KCNAB1: variants seen among roughly 807,000 people sequenced by gnomAD.
The protein encoded by KCNAB1 is voltage-gated potassium channel subunit beta-1.
A neutral mutation model predicts 64.6 loss-of-function variants in KCNAB1; 35 were observed. That is an observed-to-expected ratio of 0.54 (90% CI 0.41 to 0.72). The LOEUF is 0.72. Ranked by LOEUF, KCNAB1 falls within the 30% of genes least tolerant of loss-of-function variation. KCNAB1 has a pLI of 0.00. For synonymous variants in KCNAB1, 177 were observed against 183.8 expected, an observed-to-expected ratio of 0.96 and a Z score of 0.30; for missense variants, 401 against 512.9, an observed-to-expected ratio of 0.78 and a Z score of 2.11.
At chr3:156,226,221 A>G (rs987752482) in intron 1 of KCNAB1, among the ~76,000 whole-genome samples, 4 of 152,256 alleles carry the variant, frequency 2.6e-5, no homozygotes, top group Non-Finnish European at 4.4e-5. Flanking sequence ...AAATTGGCAC[A>G]TAGACCAGTG....
intron 1 of KCNAB1, among the ~76,000 whole-genome samples, chr3:156,326,061 AG>A (rs1279706158): frequency 6.6e-6 from 1 of 152,132 alleles, no homozygotes; most frequent in Non-Finnish European, 1.5e-5. Flanking sequence ...CTTCAGAAGC[AG>A]GGGTTAGTTC....
chr3:156,206,519 AC>A (rs1305476785), intron 1 of KCNAB1, among the ~76,000 whole-genome samples: 1 of 152,140 alleles, frequency 6.6e-6, no homozygotes, highest in Non-Finnish European at 1.5e-5. Flanking sequence ...ACATCAGTGA[AC>A]CCCCAAATCA....
chr3:156,515,028 C>T (rs1449245393), intron 9 of KCNAB1, 72 bp from the exon 10 acceptor site: 1 of 1,420,788 alleles, frequency 7.0e-7, no homozygotes. Context: ...AAACATTTCT[C>T]ATGCATACAA....
At chr3:156,189,293 A>G (rs1713406469) in intron 1 of KCNAB1, among the ~76,000 whole-genome samples, 2 of 152,228 alleles carry the variant, frequency 1.3e-5, no homozygotes, top group Admixed American at 1.3e-4. Flanking sequence ...AACCTGTTCC[A>G]TGATGAGAGC....
intron 1 of KCNAB1, among the ~76,000 whole-genome samples, chr3:156,169,489 C>T (rs903347172): frequency 5.3e-5 from 8 of 152,168 alleles, no homozygotes; most frequent in African/African-American, 1.9e-4. Flanking sequence ...GATTTCCCTT[C>T]TTGAGCCGTT....
intron 1 of KCNAB1, among the ~76,000 whole-genome samples, chr3:156,199,433 C>T (rs1335583713): frequency 6.6e-6 from 1 of 152,168 alleles, no homozygotes; most frequent in Non-Finnish European, 1.5e-5. Flanking sequence ...TTCCATTCTC[C>T]TTATCACTTT....
At chr3:156,504,659 T>C (rs1314876706) in intron 8 of KCNAB1, among the ~76,000 whole-genome samples, 1 of 152,098 alleles carries the variant, frequency 6.6e-6, no homozygotes, top group Non-Finnish European at 1.5e-5. Flanking sequence ...GGGCTTCCTG[T>C]TGGCCCGTTG....
intron 3 of KCNAB1, among the ~76,000 whole-genome samples, chr3:156,453,806 T>A (rs1712186658): frequency 1.3e-5 from 2 of 152,182 alleles, no homozygotes; most frequent in African/African-American, 4.8e-5. Flanking sequence ...AGTCCCACTC[T>A]ACCATTGACC....
intron 2 of KCNAB1, among the ~76,000 whole-genome samples, chr3:156,449,096 G>T (rs1230994436): frequency 6.6e-6 from 1 of 151,856 alleles, no homozygotes; most frequent in Non-Finnish European, 1.5e-5. Flanking sequence ...TCCAAGAAAT[G>T]GAAGCAAACA....
At chr3:156,355,727 G>A (rs1725188011) in intron 1 of KCNAB1, among the ~76,000 whole-genome samples, 1 of 152,090 alleles carries the variant, frequency 6.6e-6, no homozygotes, top group Non-Finnish European at 1.5e-5. Flanking sequence ...ACTTTTGAGG[G>A]ACTCGATTTT....
At chr3:156,243,230 A>T (rs1303707888) in intron 1 of KCNAB1, among the ~76,000 whole-genome samples, 3 of 143,942 alleles carry the variant, frequency 2.1e-5, no homozygotes, top group Admixed American at 1.4e-4. Context: ...ATTTTTTTAA[A>T]TTTTTTATTT....
At chr3:156,256,846 G>C (rs1399251525) in intron 1 of KCNAB1, among the ~76,000 whole-genome samples, 4 of 152,208 alleles carry the variant, frequency 2.6e-5, no homozygotes, top group African/African-American at 9.6e-5. Flanking sequence ...ATTGGAGGAA[G>C]GTAGGGAGGG....
intron 8 of KCNAB1, among the ~76,000 whole-genome samples, chr3:156,490,607 C>A (rs1409015133): frequency 6.6e-6 from 1 of 151,744 alleles, no homozygotes; most frequent in East Asian, 1.9e-4. Context: ...TTTTTAAAGT[C>A]AATTAGAATG....
At chr3:156,274,457 A>G (rs1185207224) in intron 1 of KCNAB1, among the ~76,000 whole-genome samples, 2 of 152,230 alleles carry the variant, frequency 1.3e-5, no homozygotes, top group African/African-American at 2.4e-5. Flanking sequence ...GAGTAATTAC[A>G]TGGACATTGT....
chr3:156,473,777 C>G (rs781397991), intron 7 of KCNAB1, among the ~76,000 whole-genome samples: 1 of 151,932 alleles, frequency 6.6e-6, no homozygotes, highest in Non-Finnish European at 1.5e-5. Context: ...AATTTTATGC[C>G]TATAATAAAG....
intron 1 of KCNAB1, among the ~76,000 whole-genome samples, chr3:156,271,838 G>A (rs1420210407): frequency 1.3e-5 from 2 of 152,154 alleles, no homozygotes; most frequent in African/African-American, 4.8e-5. Flanking sequence ...TCCTTCTTGG[G>A]AAGGCTTTCC....
In KCNAB1 at chr3:156,508,606, A is replaced by G. The variant is rs1318196732; in HGVS notation, c.659-5758A>G. Among the ~76,000 whole-genome samples, 1 of 152,244 alleles carries G rather than the reference A, an allele frequency of 6.6e-6. No individual in the cohort carries two copies. Among genetic ancestry groups the G allele is most frequent in the Non-Finnish European group, 1.5e-5 (1 of 68,044 alleles). ...AAATGTTAGAATCTGGGCCTATTTG[A>G]GAAGAAACCTGGGCCATTTTCAGTT... On this transcript the variant is annotated intron_variant, in intron 8 of 13. Transcript: ENST00000490337. This position sits in a 1 kb window ranked among gnomAD's most constrained non-coding sequence, Gnocchi z 4.1.
chr3:156,479,846 C>T (rs999285168), intron 8 of KCNAB1, among the ~76,000 whole-genome samples: 1 of 152,052 alleles, frequency 6.6e-6, no homozygotes, highest in African/African-American at 2.4e-5. Flanking sequence ...AGAAGCAAGA[C>T]CAAAGTTAGC....
chr3:156,525,393 A>C (rs1718243705), intron 12 of KCNAB1, among the ~76,000 whole-genome samples: 1 of 152,232 alleles, frequency 6.6e-6, no homozygotes, highest in South Asian at 2.1e-4. Context: ...AAAAGCTAAA[A>C]AAACACTTTT....
Sources: allele counts gnomAD v4.1 joint callset (sites outside exome capture counted in the v4.1 genomes callset), GRCh38; gene constraint gnomAD v4.1.1; non-coding constraint Gnocchi (gnomAD v3.1); transcripts MANE v1.5; gene names NCBI Gene and HGNC (gene_info 2026-07-23, HGNC 2026-07-21).